Variants in DAGLA observed in about 807,000 individuals in gnomAD.
DAGLA encodes diacylglycerol lipase-alpha.
A neutral mutation model predicts 102.6 loss-of-function variants in DAGLA; 22 were observed. The ratio of observed to expected loss-of-function variants is 0.21; its 90% CI spans 0.15 to 0.31. DAGLA has a LOEUF of 0.31. Among genes scored for constraint, DAGLA ranks in the 10% least tolerant of loss-of-function variants. DAGLA has a pLI of 1.00. For synonymous variants in DAGLA, 578 were observed against 628.9 expected (o/e 0.92, Z 1.21); for missense variants, 927 against 1,446.6 (o/e 0.64, Z 5.83).
chr11:61,719,989 C>T, intron 1 of DAGLA, 123 bp from the exon 2 acceptor site: 1 of 652,376 alleles, frequency 1.5e-6, no homozygotes. Context: ...CTTCCAGTGG[C>T]CAGCTCCAAA....
chr11:61,719,968 G>A (rs780068473), intron 1 of DAGLA, 144 bp from the exon 2 acceptor site: 4 of 611,936 alleles, frequency 6.5e-6, no homozygotes, highest in Non-Finnish European at 1.2e-5. Flanking sequence ...CTGCCCGGAG[G>A]TGGGTCAGCA....
At chr11:61,691,824 C>G (rs951086424) in intron 1 of DAGLA, among the ~76,000 whole-genome samples, 1 of 152,200 alleles carries the variant, frequency 6.6e-6, no homozygotes, top group Admixed American at 6.5e-5. Flanking sequence ...GTCTTGAGTC[C>G]TTAACCAGGT....
chr11:61,712,617 A>G (rs979102603), intron 1 of DAGLA, among the ~76,000 whole-genome samples: 1 of 152,140 alleles, frequency 6.6e-6, no homozygotes, highest in African/African-American at 2.4e-5. Context: ...GTGAAAAGCG[A>G]CAGCTTTCAG....
At chr11:61,698,807 G>A (rs1012789041) in intron 1 of DAGLA, among the ~76,000 whole-genome samples, 2 of 152,238 alleles carry the variant, frequency 1.3e-5, no homozygotes, top group African/African-American at 4.8e-5. Flanking sequence ...CCAGTGGGGA[G>A]CCCGGAATGG....
At position 61,701,717 on chromosome 11, in the gene DAGLA, C is replaced by T. The variant is rs116223593; in HGVS notation, c.-44-18395C>T. On this transcript the variant is annotated intron_variant, in intron 1 of 19. Coordinates refer to ENST00000257215, the MANE Select transcript of DAGLA (RefSeq NM_006133.3). The stretch of plus-strand genomic sequence containing the variant: ...AGGACCCCGAAAACCTGCCCTTTAC[C>T]GAGTCTCACCCCCGAGCCTGCTGAG... Among the ~76,000 whole-genome samples the T allele has an allele frequency of 3.1e-3, 468 of 152,242 alleles. 2 individuals are homozygous for T. Among genetic ancestry groups the T allele is most frequent in the African/African-American group, 0.01 (434 of 41,536 alleles).
chr11:61,684,431 G>A lies in DAGLA; in HGVS notation c.-45+3927G>A, dbSNP rs1276333638. ...TTTGTTTCTGATACTGACTTGGGCT[G>A]GGCGTGGTCTTTCTGGGTTGGATGG... On this transcript the variant is annotated intron_variant, in intron 1 of 19. Coordinates refer to ENST00000257215, the MANE Select transcript of DAGLA (RefSeq NM_006133.3). This position sits in a 1 kb window ranked among gnomAD's most constrained non-coding sequence, Gnocchi z 4.5. Among the ~76,000 whole-genome samples, 1 of 152,160 alleles carries A rather than the reference G, an allele frequency of 6.6e-6. No homozygotes were observed. Among genetic ancestry groups the A allele is most frequent in the South Asian group, 2.1e-4 (1 of 4,822 alleles).
intron 1 of DAGLA, among the ~76,000 whole-genome samples, chr11:61,706,487 C>T (rs922486528): frequency 1.9e-4 from 29 of 152,106 alleles, no homozygotes; most frequent in African/African-American, 7.0e-4. Context: ...ATCTGCTGGC[C>T]GAGGGCCCTG....
intron 1 of DAGLA, among the ~76,000 whole-genome samples, chr11:61,695,628 T>C (rs997634286): frequency 3.3e-5 from 5 of 152,214 alleles, no homozygotes; most frequent in African/African-American, 1.2e-4. Context: ...AGGGACAGAA[T>C]GTCCTGCTGT....
At position 61,723,585 on chromosome 11, in the gene DAGLA, G is replaced by C. The variant is rs570685414; in HGVS notation, c.548+13G>C. The C allele has an allele frequency of 1.9e-6, 3 of 1,610,790 alleles. No individual in the cohort carries two copies. Among genetic ancestry groups the C allele is most frequent in the Non-Finnish European group, 2.5e-6 (3 of 1,177,542 alleles). ...CCTACAACCTGCGGTCAGTCAGCGGGCTGGGTGGGCAGTCCCAGGGTGGGC... is the reference window on the plus strand; with the variant it reads ...CCTACAACCTGCGGTCAGTCAGCGGCCTGGGTGGGCAGTCCCAGGGTGGGC... On this transcript the variant is annotated intron_variant, in intron 5 of 19. Transcript: ENST00000257215.
chr11:61,746,954 G>A lies in DAGLA; in HGVS notation c.*2465G>A, dbSNP rs1444219840. 1 of 152,464 alleles carries A rather than the reference G, an allele frequency of 6.6e-6. No individual in the cohort carries two copies. Among genetic ancestry groups the A allele is most frequent in the African/African-American group, 2.4e-5 (1 of 41,462 alleles). 9.4% of individuals were successfully genotyped at this position (152,464 alleles called of 1,614,324 possible). A position where few individuals can be genotyped will look rare whatever the true frequency, so the allele number is the denominator to read the frequency against. On this transcript the variant is annotated 3_prime_UTR_variant, in exon 20 of 20. Coordinates refer to ENST00000257215, the MANE Select transcript of DAGLA (RefSeq NM_006133.3). Reference sequence around the variant, plus strand: ...TTCTATAAATATATCTGTATATAAAGGTTTCTGTATATTGTATAGAGCTGT... The same window carrying A: ...TTCTATAAATATATCTGTATATAAAAGTTTCTGTATATTGTATAGAGCTGT...
At position 61,724,325 on chromosome 11, in the gene DAGLA, C is replaced by T. The variant is rs570066714; in HGVS notation, c.548+753C>T. 2.6e-5 allele frequency among the ~76,000 whole-genome samples: 4 copies of T among 152,312 alleles called. No homozygotes were observed. In the South Asian group the frequency reaches 8.3e-4, roughly 32 times the overall value. ...GTACCTCCTGTTAATGGGGCTTCTA[C>T]AGTGCATTATGTAAGGAGCTCCCCA... On this transcript the variant is annotated intron_variant, in intron 5 of 19. Coordinates refer to ENST00000257215, the MANE Select transcript of DAGLA (RefSeq NM_006133.3).
intron 1 of DAGLA, among the ~76,000 whole-genome samples, chr11:61,691,842 C>T (rs2065027132): frequency 6.6e-6 from 1 of 152,224 alleles, no homozygotes; most frequent in African/African-American, 2.4e-5. Flanking sequence ...GGTCCTTTCA[C>T]CTCTCAGCTG....
chr11:61,739,607 A>G lies in DAGLA; in HGVS notation c.1799A>G (p.Tyr600Cys), dbSNP rs1240481505. 1 of 1,613,612 alleles carries G rather than the reference A, an allele frequency of 6.2e-7. No homozygotes were observed. The highest frequency in any genetic ancestry group is 1.1e-5 in the South Asian group (1 of 91,040). The change falls in exon 17 of 20, where the codon TAC becomes TGC. Residue 600 changes from tyrosine to cysteine, a missense_variant. Physicochemically the swap from Tyr to Cys is radical, Grantham distance 194. Around this residue, in one of 4 missense-constraint regions of DAGLA, gnomAD observed 218 missense variants for 459.6 expected, o/e 0.47. Transcript: ENST00000257215. The part of the protein sequence containing the change: ...TIALSASTPL[Y>C]PPGRIIHVVH... ...GCCCTCTCAGCCAGCACTCCACTCT[A>G]CCCGCCCGGCCGCATCATCCACGTG...
At chr11:61,687,843 G>C (rs969106221) in intron 1 of DAGLA, among the ~76,000 whole-genome samples, 1 of 152,180 alleles carries the variant, frequency 6.6e-6, no homozygotes, top group Non-Finnish European at 1.5e-5. Flanking sequence ...AGGAGCATGG[G>C]ACTGCTGGGC....
At chr11:61,709,166 T>C (rs760228192) in intron 1 of DAGLA, among the ~76,000 whole-genome samples, 1 of 152,242 alleles carries the variant, frequency 6.6e-6, no homozygotes, top group Non-Finnish European at 1.5e-5. Context: ...AAGTCCAGAC[T>C]AGAATGGACC....
intron 16 of DAGLA, among the ~76,000 whole-genome samples, chr11:61,738,971 G>A (rs899238127): frequency 2.0e-5 from 3 of 152,216 alleles, no homozygotes; most frequent in Non-Finnish European, 2.9e-5. Context: ...GAGCAGGGCA[G>A]CAAAGCTTTG....
At position 61,741,213 on chromosome 11, in the gene DAGLA, G is replaced by A; in HGVS notation, c.2035G>A (p.Val679Ile). 2.5e-6 allele frequency: 4 copies of A among 1,613,628 alleles called. No individual in the cohort carries two copies. Among genetic ancestry groups the A allele is most frequent in the Non-Finnish European group, 3.4e-6 (4 of 1,179,992 alleles). Residue 679 changes from valine to isoleucine, a missense_variant, in exon 19 of 20, where the codon GTC (valine) becomes ATC (isoleucine). Physicochemically the swap from Val to Ile is conservative, Grantham distance 29 (BLOSUM62 3). Transcript: ENST00000257215. ...GKTALLSAAK[V>I]MVSPTEVDLT... ...GACCGCTCTGCTCTCTGCAGCCAAG[G>A]TCATGGTGAGCCCTACCGAGGTGGA...
rs116379025 is a variant in DAGLA, at chr11:61,734,192, T to A, written c.975-657T>A. Among the ~76,000 whole-genome samples, 3,221 of 148,118 alleles carry A rather than the reference T, an allele frequency of 0.022. 109 individuals are homozygous for A. The highest frequency in any genetic ancestry group is 0.076 in the African/African-American group (3,018 of 39,884). On this transcript the variant is annotated intron_variant, in intron 9 of 19. Coordinates refer to ENST00000257215, the MANE Select transcript of DAGLA (RefSeq NM_006133.3). This position sits in a 1 kb window ranked among gnomAD's most constrained non-coding sequence, Gnocchi z 4.2. Reference sequence around the variant, plus strand: ...GGCAGGGGTAGGGGAGGTGAGGGAGTGCCTGGAGTCCAGCTCTGAGTCTGA... The same window carrying A: ...GGCAGGGGTAGGGGAGGTGAGGGAGAGCCTGGAGTCCAGCTCTGAGTCTGA...
At chr11:61,737,546 A>G (rs925170854) in intron 14 of DAGLA, 141 bp from the exon 15 acceptor site, 1 of 1,036,550 alleles carries the variant, frequency 9.6e-7, no homozygotes, top group Non-Finnish European at 1.5e-6. Context: ...GGAGCAGGCA[A>G]CCCAGCCTGC....
Sources: allele counts gnomAD v4.1 joint callset (sites outside exome capture counted in the v4.1 genomes callset), GRCh38; gene constraint gnomAD v4.1.1; regional missense constraint gnomAD v4.1.1; non-coding constraint Gnocchi (gnomAD v3.1); transcripts MANE v1.5; gene names NCBI Gene and HGNC (gene_info 2026-07-23, HGNC 2026-07-21).